Variants in CLVS2 observed in about 807,000 individuals in gnomAD.
CLVS2 encodes clavesin 2.
A neutral mutation model predicts 29.0 loss-of-function variants in CLVS2; 19 were observed. The ratio of observed to expected loss-of-function variants is 0.66; its 90% confidence interval spans 0.46 to 0.96. The LOEUF (loss-of-function observed/expected upper bound fraction) is 0.96, where lower values mean the gene tolerates loss of function less well. Ranked by LOEUF, CLVS2 falls within the 40% of genes least tolerant of loss-of-function variation. CLVS2 has a pLI of 0.00. For missense variants in CLVS2, 294 were observed against 404.1 expected (o/e 0.73, Z 2.34); for synonymous variants, 161 against 151.3 (o/e 1.06, Z -0.47).
intron 3 of CLVS2, among the ~76,000 whole-genome samples, chr6:123,034,849 A>G (rs1177940418): frequency 6.6e-6 from 1 of 152,154 alleles, no homozygotes; most frequent in Non-Finnish European, 1.5e-5. Context: ...GACCACACCC[A>G]GCTCAGTTTT....
At chr6:123,009,712 A>G (rs1013665372) in intron 2 of CLVS2, among the ~76,000 whole-genome samples, 8 of 152,038 alleles carry the variant, frequency 5.3e-5, no homozygotes, top group African/African-American at 1.9e-4. Flanking sequence ...GAAAAAACTT[A>G]AAATGCAAAG....
intron 3 of CLVS2, among the ~76,000 whole-genome samples, chr6:123,022,509 A>G (rs1280598066): frequency 6.6e-6 from 1 of 151,996 alleles, no homozygotes; most frequent in Admixed American, 6.6e-5. Context: ...TAGGAGATAA[A>G]TTATTCTTTT....
At chr6:123,057,141 A>T (rs946394350) in intron 5 of CLVS2, among the ~76,000 whole-genome samples, 4 of 152,104 alleles carry the variant, frequency 2.6e-5, no homozygotes, top group Non-Finnish European at 5.9e-5. Flanking sequence ...TTACTTCTCC[A>T]GTTCATTTCA....
intron 3 of CLVS2, among the ~76,000 whole-genome samples, chr6:123,047,155 G>C (rs1176962227): frequency 6.6e-6 from 1 of 151,964 alleles, no homozygotes; most frequent in Non-Finnish European, 1.5e-5. Flanking sequence ...ACCTCTCTAT[G>C]ACTCCCATAT....
chr6:123,062,554 C>G (rs1009876537), intron 5 of CLVS2, among the ~76,000 whole-genome samples: 1 of 151,910 alleles, frequency 6.6e-6, no homozygotes, highest in Non-Finnish European at 1.5e-5. Context: ...ACTTAGGAAA[C>G]AAAATCTCTC....
chr6:123,050,679 G>C lies in CLVS2; in HGVS notation c.675+1947G>C, dbSNP rs546094233. ...GAGTAGGTGGTAGAGGATGGGATAG[G>C]GGGGACTGCTTTGTACCAGATCGCA... On this transcript the variant is annotated intron_variant, in intron 4 of 5. Transcript: ENST00000275162. Among the ~76,000 whole-genome samples the C allele has an allele frequency of 6.8e-4, 104 of 152,220 alleles. 1 individual carries two copies. Among genetic ancestry groups the C allele is most frequent in the African/African-American group, 2.4e-3 (98 of 41,524 alleles).
chr6:122,997,943 C>T lies in CLVS2; in HGVS notation c.166C>T (p.Arg56Cys), dbSNP rs761889566. The T allele has an allele frequency of 6.2e-7, 1 of 1,614,032 alleles. No homozygotes were observed. The highest frequency in any genetic ancestry group is 1.3e-5 in the African/African-American group (1 of 74,924). ...FLRTDDAFIL[R>C]FLRARKFHHF... ...GCGCACGGATGATGCCTTCATCTTA[C>T]GCTTCTTGCGGGCTAGGAAGTTTCA... The change falls in exon 2 of 6, where the codon CGC (arginine) becomes TGC (cysteine). Residue 56 changes from arginine to cysteine, a missense_variant. Coordinates refer to ENST00000275162, the MANE Select transcript of CLVS2 (RefSeq NM_001010852.4).
chr6:123,025,388 A>G (rs1582651750), intron 3 of CLVS2, among the ~76,000 whole-genome samples: 1 of 152,282 alleles, frequency 6.6e-6, no homozygotes, highest in Non-Finnish European at 1.5e-5. Context: ...AATGCATTGT[A>G]AGAAGGAAGT....
At chr6:123,022,663 G>C (rs1257772172) in intron 3 of CLVS2, among the ~76,000 whole-genome samples, 3 of 151,972 alleles carry the variant, frequency 2.0e-5, no homozygotes, top group East Asian at 1.9e-4. Context: ...TCTAATGGAT[G>C]TACTTATAAT....
intron 5 of CLVS2, among the ~76,000 whole-genome samples, chr6:123,057,261 A>G (rs4418205): frequency 0.75 from 113,275 of 151,242 alleles, 42,648 homozygotes; most frequent in East Asian, 0.88. Flanking sequence ...TCCTTCTCTG[A>G]TGAAAGCCTT....
intron 3 of CLVS2, among the ~76,000 whole-genome samples, chr6:123,041,168 TGAA>T (rs2114346018): frequency 6.6e-6 from 1 of 152,256 alleles, no homozygotes; most frequent in East Asian, 1.9e-4. Flanking sequence ...AAGAAAAACT[TGAA>T]GGACTTAATA....
At chr6:123,026,731 C>G (rs1338876571) in intron 3 of CLVS2, among the ~76,000 whole-genome samples, 1 of 152,036 alleles carries the variant, frequency 6.6e-6, no homozygotes, top group Non-Finnish European at 1.5e-5. Flanking sequence ...ATGTACGTAT[C>G]AGTTTTTGGT....
intron 4 of CLVS2, among the ~76,000 whole-genome samples, chr6:123,053,263 G>A (rs958418373): frequency 6.6e-6 from 1 of 152,120 alleles, no homozygotes; most frequent in Non-Finnish European, 1.5e-5. Context: ...AGAATCGCTT[G>A]AACCCAGGAG....
At chr6:123,052,208 T>C (rs1431942707) in intron 4 of CLVS2, among the ~76,000 whole-genome samples, 1 of 151,956 alleles carries the variant, frequency 6.6e-6, no homozygotes, top group Non-Finnish European at 1.5e-5. Context: ...TTGGGCAGGG[T>C]TACAGTATTA....
intron 2 of CLVS2, among the ~76,000 whole-genome samples, chr6:123,001,703 C>A (rs971264515): frequency 6.6e-6 from 1 of 152,154 alleles, no homozygotes; most frequent in Admixed American, 6.5e-5. Context: ...TCAGCAAATA[C>A]CTTCAAATGG....
At chr6:123,043,847 A>G (rs1313402420) in intron 3 of CLVS2, among the ~76,000 whole-genome samples, 1 of 152,230 alleles carries the variant, frequency 6.6e-6, no homozygotes, top group African/African-American at 2.4e-5. Flanking sequence ...AATTTATTTA[A>G]AAGTTAGAAT....
At chr6:123,035,097 T>C (rs916491020) in intron 3 of CLVS2, among the ~76,000 whole-genome samples, 1 of 152,140 alleles carries the variant, frequency 6.6e-6, no homozygotes, top group Admixed American at 6.6e-5. Flanking sequence ...AGCATTTTTG[T>C]TTTGCATCAT....
At chr6:123,037,286 T>C (rs766351886) in intron 3 of CLVS2, among the ~76,000 whole-genome samples, 4 of 152,120 alleles carry the variant, frequency 2.6e-5, no homozygotes, top group Non-Finnish European at 2.9e-5. Flanking sequence ...ATCCCCTCTG[T>C]ATACAATTGT....
intron 2 of CLVS2, among the ~76,000 whole-genome samples, chr6:123,009,490 C>T (rs1021311577): frequency 6.6e-6 from 1 of 152,044 alleles, no homozygotes; most frequent in Non-Finnish European, 1.5e-5. Context: ...TATGCTTTCT[C>T]CTAGCACATC....
Sources: gnomAD v4.1 joint callset for allele counts (sites outside exome capture counted in the v4.1 genomes callset) on GRCh38, gnomAD v4.1.1 for gene constraint, MANE v1.5 for transcripts, NCBI Gene and HGNC (gene_info 2026-07-23, HGNC 2026-07-21) for gene names.